Variants in NDST4 observed in about 807,000 individuals in gnomAD.
NDST4 encodes the protein N-heparan sulfate sulfotransferase 4.
NDST4 carries 63 observed loss-of-function variants against 100.8 expected under a neutral mutation model. The ratio of observed to expected loss-of-function variants is 0.62; its 90% CI spans 0.51 to 0.77. The LOEUF (loss-of-function observed/expected upper bound fraction) is 0.77, where lower values mean the gene tolerates loss of function less well. Among genes scored for constraint, NDST4 ranks in the 30% least tolerant of loss-of-function variants. NDST4 has a pLI of 0.00. For synonymous variants in NDST4, 377 were observed against 361.8 expected (o/e 1.04, Z -0.48); for missense variants, 943 against 1,018.4 (o/e 0.93, Z 1.01).
At chr4:114,967,460 T>C (rs279535) in intron 4 of NDST4, among the ~76,000 whole-genome samples, 64,349 of 151,920 alleles carry the variant, frequency 0.42, 14,990 homozygotes, top group African/African-American at 0.63. Context: ...CTGAGTCTTC[T>C]CAGAGCTCTC....
chr4:114,899,611 T>C (rs1275366376), intron 6 of NDST4, among the ~76,000 whole-genome samples: 5 of 152,184 alleles, frequency 3.3e-5, no homozygotes, highest in African/African-American at 1.2e-4. Flanking sequence ...GTGATCTTTC[T>C]TCTTTAGCCT....
At chr4:114,925,390 C>T (rs1028044634) in intron 6 of NDST4, among the ~76,000 whole-genome samples, 1 of 152,096 alleles carries the variant, frequency 6.6e-6, no homozygotes, top group Non-Finnish European at 1.5e-5. Flanking sequence ...CAGAATTTCT[C>T]GAAGTTTGTT....
chr4:114,867,646 T>TAAAAAAAAAAAAAA (rs761173470), intron 7 of NDST4, among the ~76,000 whole-genome samples: 1 of 26,774 alleles, frequency 3.7e-5, no homozygotes, highest in African/African-American at 8.4e-5. Context: ...ATGAGAATTA[T>TAAAAAAAAAAAAAA]AAAAAAAAAA....
chr4:114,928,529 T>C (rs182267931), intron 6 of NDST4, among the ~76,000 whole-genome samples: 1 of 152,272 alleles, frequency 6.6e-6, no homozygotes, highest in Non-Finnish European at 1.5e-5. Context: ...GCCTGCCACA[T>C]TAAGTTCCTC....
intron 4 of NDST4, among the ~76,000 whole-genome samples, chr4:114,961,367 A>C (rs962026336): frequency 5.9e-5 from 9 of 152,058 alleles, no homozygotes; most frequent in Admixed American, 5.9e-4. Context: ...AAATTAATGA[A>C]ATAGAGAAGA....
intron 2 of NDST4, among the ~76,000 whole-genome samples, chr4:115,042,445 C>T (rs554878349): frequency 6.6e-6 from 1 of 152,194 alleles, no homozygotes; most frequent in Admixed American, 6.6e-5. Flanking sequence ...TTTACCATCT[C>T]CCGTAATCAC....
intron 6 of NDST4, among the ~76,000 whole-genome samples, chr4:114,924,711 G>A (rs1725354660): frequency 6.6e-6 from 1 of 152,126 alleles, no homozygotes; most frequent in African/African-American, 2.4e-5. Context: ...AGGGGATGAA[G>A]AGACGTTGAT....
chr4:114,844,087 T>C (rs1384409836), intron 10 of NDST4, among the ~76,000 whole-genome samples: 2 of 152,068 alleles, frequency 1.3e-5, no homozygotes, highest in Non-Finnish European at 2.9e-5. Context: ...TGACACTATG[T>C]TCTCACCAAA....
At chr4:114,935,080 A>T in intron 6 of NDST4, 126 bp downstream of exon 6, 1 of 720,380 alleles carries the variant, frequency 1.4e-6, no homozygotes, top group Non-Finnish European at 1.9e-6. Flanking sequence ...ATATAGATTT[A>T]AATGCATGAC....
chr4:114,890,525 T>C (rs1439281903), intron 6 of NDST4, among the ~76,000 whole-genome samples: 4 of 152,066 alleles, frequency 2.6e-5, no homozygotes, highest in Non-Finnish European at 1.5e-5. Flanking sequence ...TATATGGAGA[T>C]TGACTATACT....
At position 115,077,025 on chromosome 4, in the gene NDST4, A is replaced by G. The variant is rs775694529; in HGVS notation, c.12T>C (p.Ile4=). MNL[I]VKLRRSFRTL... The stretch of plus-strand genomic sequence containing the variant: ...TTCGAAAACTTCTCCGAAGTTTCAC[A>G]ATAAGATTCATTTTTTAGAATAATG... Residue 4 remains isoleucine (I), a synonymous_variant, in exon 2 of 14, where the codon ATT becomes ATC. Transcript: ENST00000264363. 2 of 1,594,802 alleles carry G rather than the reference A, an allele frequency of 1.3e-6. No individual in the cohort carries two copies. The highest frequency in any genetic ancestry group is 1.1e-5 in the South Asian group (1 of 87,766).
At chr4:115,069,632 A>T (rs1729029722) in intron 2 of NDST4, among the ~76,000 whole-genome samples, 1 of 152,190 alleles carries the variant, frequency 6.6e-6, no homozygotes, top group Non-Finnish European at 1.5e-5. Flanking sequence ...GGATGGCTTC[A>T]TGCCTGTAAT....
chr4:114,960,696 T>C (rs1295470290), intron 4 of NDST4, among the ~76,000 whole-genome samples: 3 of 152,136 alleles, frequency 2.0e-5, no homozygotes, highest in Non-Finnish European at 2.9e-5. Flanking sequence ...TTCATTGCTA[T>C]GACTATAACA....
chr4:114,962,902 T>C (rs1726295961), intron 4 of NDST4, among the ~76,000 whole-genome samples: 1 of 152,076 alleles, frequency 6.6e-6, no homozygotes, highest in Non-Finnish European at 1.5e-5. Context: ...ATGACTATAA[T>C]AAAGGTAGAT....
chr4:115,084,672 C>T (rs536446), intron 1 of NDST4, among the ~76,000 whole-genome samples: 34,393 of 152,106 alleles, frequency 0.23, 5,212 homozygotes, highest in East Asian at 0.46. Context: ...TCAGAGGGTG[C>T]AAGCCCCAAG....
At chr4:114,962,915 T>C (rs1390282743) in intron 4 of NDST4, among the ~76,000 whole-genome samples, 1 of 152,042 alleles carries the variant, frequency 6.6e-6, no homozygotes, top group African/African-American at 2.4e-5. Flanking sequence ...AGGTAGATAA[T>C]AACAAGGGTT....
At chr4:114,971,077 C>G (rs2126241153) in intron 3 of NDST4, among the ~76,000 whole-genome samples, 1 of 152,068 alleles carries the variant, frequency 6.6e-6, no homozygotes, top group East Asian at 1.9e-4. Context: ...CCTGTAAGAC[C>G]ATCTTCTAGA....
At chr4:115,036,982 A>C (rs751081653) in intron 2 of NDST4, among the ~76,000 whole-genome samples, 15 of 152,062 alleles carry the variant, frequency 9.9e-5, no homozygotes, top group Non-Finnish European at 1.9e-4. Context: ...ATAGCTTTTT[A>C]TATATTATTT....
chr4:114,905,148 T>TTC (rs1724922509), intron 6 of NDST4, among the ~76,000 whole-genome samples: 1 of 151,302 alleles, frequency 6.6e-6, no homozygotes, highest in African/African-American at 2.4e-5. Context: ...TTTTTTTTTT[T>TTC]CTGCAACAAA....
Sources: allele counts gnomAD v4.1 joint callset (sites outside exome capture counted in the v4.1 genomes callset), GRCh38; gene constraint gnomAD v4.1.1; transcripts MANE v1.5; gene names NCBI Gene and HGNC (gene_info 2026-07-23, HGNC 2026-07-21).